The following PTPRD variants were observed in gnomAD, a reference collection of about 807,000 sequenced individuals.
PTPRD encodes protein tyrosine phosphatase receptor type D, also known as receptor-type tyrosine-protein phosphatase delta.
Under a neutral mutation model 214.5 loss-of-function variants are expected in PTPRD, and 34 were observed. The observed-to-expected ratio is 0.16, with a 90% CI of 0.12 to 0.21. PTPRD has a LOEUF of 0.21. Among genes scored for constraint, PTPRD ranks in the 10% least tolerant of loss-of-function variants. PTPRD has a pLI of 1.00. For missense variants in PTPRD, 2,545 were observed against 2,398.7 expected (o/e 1.06, Z -1.27); for synonymous variants, 1,128 against 845.7 (o/e 1.33, Z -5.79).
chr9:10,373,756 C>G (rs2097676021), intron 2 of PTPRD, among the ~76,000 whole-genome samples: 1 of 152,090 alleles, frequency 6.6e-6, no homozygotes, highest in Non-Finnish European at 1.5e-5. Context: ...CCATATTTCT[C>G]AGTTTGTGTA....
chr9:9,552,408 G>A (rs970396012), intron 8 of PTPRD, among the ~76,000 whole-genome samples: 3 of 151,924 alleles, frequency 2.0e-5, no homozygotes, highest in Admixed American at 6.6e-5. Context: ...CTAAAATTTT[G>A]TTACTCCAAA....
In PTPRD at chr9:8,315,628, A is replaced by G; in HGVS notation, c.*2246T>C. 4.4e-6 allele frequency: 1 copy of G among 228,002 alleles called. No individual in the cohort carries two copies. Among genetic ancestry groups the G allele is most frequent in the Non-Finnish European group, 8.7e-6 (1 of 114,560 alleles). 14.1% of individuals were successfully genotyped at this position (228,002 alleles called of 1,614,324 possible). On this transcript the variant is annotated 3_prime_UTR_variant, in exon 46 of 46. Coordinates refer to ENST00000381196, the MANE Select transcript of PTPRD (RefSeq NM_002839.4). ...GGTAGCCTTCTAGATACTTTTTTTTAGTATTATATATATTTTCTTTTTTTT... is the reference window on the plus strand; with the variant it reads ...GGTAGCCTTCTAGATACTTTTTTTTGGTATTATATATATTTTCTTTTTTTT...
At chr9:8,421,355 C>CTCTCTTCTCTTCTCTTCTCT (rs370049246) in intron 35 of PTPRD, among the ~76,000 whole-genome samples, 16 of 149,216 alleles carry the variant, frequency 1.1e-4, no homozygotes, top group Non-Finnish European at 1.6e-4. Flanking sequence ...CTTTCTTCTT[C>CTCTCTTCTCTTCTCTTCTCT]TCTCTTCTCT....
chr9:8,821,997 A>C (rs995338556), intron 11 of PTPRD, among the ~76,000 whole-genome samples: 1 of 152,172 alleles, frequency 6.6e-6, no homozygotes, highest in African/African-American at 2.4e-5. Flanking sequence ...AAAGTCTTTA[A>C]ATATTCTGTG....
chr9:10,520,920 G>T (rs538405066), intron 2 of PTPRD, among the ~76,000 whole-genome samples: 1 of 151,524 alleles, frequency 6.6e-6, no homozygotes, highest in South Asian at 2.1e-4. Context: ...ACTGCTTATT[G>T]ACAATGCATC....
chr9:8,657,109 T>G (rs1334005867), intron 12 of PTPRD, among the ~76,000 whole-genome samples: 1 of 152,158 alleles, frequency 6.6e-6, no homozygotes, highest in East Asian at 1.9e-4. Context: ...TTCATATGTT[T>G]GTTGGTCACA....
At chr9:8,759,383 T>C (rs527776717) in intron 11 of PTPRD, among the ~76,000 whole-genome samples, 2 of 152,144 alleles carry the variant, frequency 1.3e-5, no homozygotes, top group South Asian at 2.1e-4. Flanking sequence ...TTGATCTCTA[T>C]TGTGTCTTGG....
intron 2 of PTPRD, among the ~76,000 whole-genome samples, chr9:10,488,138 C>T (rs187028885): frequency 7.9e-5 from 12 of 151,864 alleles, no homozygotes; most frequent in South Asian, 2.1e-4. Flanking sequence ...GAGCCCGAGC[C>T]GGGTGGATCA....
intron 8 of PTPRD, among the ~76,000 whole-genome samples, chr9:9,572,312 G>T (rs898632804): frequency 1.3e-5 from 2 of 151,184 alleles, no homozygotes; most frequent in Admixed American, 6.6e-5. Flanking sequence ...TTCCATAATT[G>T]GCTATGGTTA....
At chr9:9,939,914 T>C (rs1392135034) in intron 4 of PTPRD, among the ~76,000 whole-genome samples, 1 of 152,200 alleles carries the variant, frequency 6.6e-6, no homozygotes, top group African/African-American at 2.4e-5. Context: ...GAATCCACTT[T>C]ATCACCTTCA....
rs2098396365 is a variant in PTPRD at position 8,713,711 on chromosome 9, C to A, written c.64+20069G>T. On this transcript the variant is annotated intron_variant, in intron 12 of 45. Coordinates refer to ENST00000381196, the MANE Select transcript of PTPRD (RefSeq NM_002839.4). Reference sequence around the variant, plus strand: ...ATCATGATGGTGGAAGAGATCGCGGCCAGCAAGTGACGCCGGCAGGCTGTC... The same window carrying A: ...ATCATGATGGTGGAAGAGATCGCGGACAGCAAGTGACGCCGGCAGGCTGTC... The A allele has an allele frequency of 1.1e-5, 17 of 1,510,952 alleles. No individual in the cohort carries two copies. In the East Asian group the frequency reaches 1.8e-4, roughly 16 times the overall value. 93.6% of individuals were successfully genotyped at this position (1,510,952 alleles called of 1,614,324 possible). A position where few individuals can be genotyped will look rare whatever the true frequency, so the allele number is the denominator to read the frequency against.
intron 3 of PTPRD, among the ~76,000 whole-genome samples, chr9:10,077,049 G>A (rs16931018): frequency 0.036 from 5,494 of 152,118 alleles, 171 homozygotes; most frequent in Admixed American, 0.093. Context: ...CATTACATCC[G>A]GAGACTTACT....
At chr9:9,351,438 T>C (rs985117463) in intron 9 of PTPRD, among the ~76,000 whole-genome samples, 1 of 151,954 alleles carries the variant, frequency 6.6e-6, no homozygotes, top group African/African-American at 2.4e-5. Context: ...TGAGAACAAA[T>C]AATTCTATGC....
At chr9:8,430,043 G>GA (rs1486665488) in intron 35 of PTPRD, among the ~76,000 whole-genome samples, 2 of 152,088 alleles carry the variant, frequency 1.3e-5, no homozygotes, top group Admixed American at 6.5e-5. Flanking sequence ...CAGGAACTCA[G>GA]AAAAAATGCT....
At position 10,031,438 on chromosome 9, in the gene PTPRD, AAAAG is replaced by A. The variant is rs781235572; in HGVS notation, c.-472+2276_-472+2279del. ...AATATAAAGCAGGCAGAAAAATGTG[AAAAG>A]GCGAGACTGTCCCAGCCTCCCAGCC... is the stretch of plus-strand genomic sequence containing the variant. On this transcript the variant is annotated intron_variant, in intron 4 of 45. Transcript: ENST00000381196. Among the ~76,000 whole-genome samples, 6 of 151,498 alleles carry A rather than the reference AAAAG, an allele frequency of 4.0e-5. No individual in the cohort carries two copies. The East Asian group carries it at 9.8e-4, about 25-fold the overall frequency.
intron 5 of PTPRD, among the ~76,000 whole-genome samples, chr9:9,781,525 AT>A (rs2098842590): frequency 6.6e-6 from 1 of 152,168 alleles, no homozygotes; most frequent in South Asian, 2.1e-4. Context: ...CAGTTGCCTA[AT>A]TGAAGTATCA....
At chr9:10,477,197 C>T (rs7875290) in intron 2 of PTPRD, among the ~76,000 whole-genome samples, 66,406 of 151,806 alleles carry the variant, frequency 0.44, 16,334 homozygotes, top group Admixed American at 0.59. Flanking sequence ...GAACAGGCAA[C>T]CTAAAGAATG....
At chr9:9,094,404 T>G (rs968740031) in intron 10 of PTPRD, among the ~76,000 whole-genome samples, 1 of 152,102 alleles carries the variant, frequency 6.6e-6, no homozygotes, top group African/African-American at 2.4e-5. Flanking sequence ...TTATTCTAAG[T>G]GAAATAATTC....
At chr9:10,268,709 T>A (rs1001432533) in intron 3 of PTPRD, among the ~76,000 whole-genome samples, 2 of 152,168 alleles carry the variant, frequency 1.3e-5, no homozygotes, top group Non-Finnish European at 2.9e-5. Flanking sequence ...TAGTACTATA[T>A]CCTCTCATCC....
Sources: gnomAD v4.1 joint callset for allele counts (sites outside exome capture counted in the v4.1 genomes callset) on GRCh38, gnomAD v4.1.1 for gene constraint, MANE v1.5 for transcripts, NCBI Gene and HGNC (gene_info 2026-07-23, HGNC 2026-07-21) for gene names.